Variants in APOC4 observed in about 807,000 individuals in gnomAD.
APOC4 encodes the protein apolipoprotein C-IV.
Under a neutral mutation model 8.4 loss-of-function variants are expected in APOC4, and 10 were observed. The observed-to-expected ratio is 1.19, with a 90% confidence interval of 0.74 to 2.03. APOC4 has a LOEUF of 2.03. APOC4 is among the 30% of genes most tolerant of loss of function. The probability of loss-of-function intolerance (pLI) is 0.00; values close to 1 mark genes in which losing one functional copy is unlikely to be tolerated. For missense variants in APOC4, 160 were observed against 156.1 expected (o/e 1.02, Z -0.13); for synonymous variants, 59 against 65.8 (o/e 0.90, Z 0.50).
At chr19:44,944,087 TG>T (rs1275013355) in intron 1 of APOC4, among the ~76,000 whole-genome samples, 1 of 151,432 alleles carries the variant, frequency 6.6e-6, no homozygotes, top group Non-Finnish European at 1.5e-5. Flanking sequence ...TCAGACAGGG[TG>T]GGGGTCACAG....
At chr19:44,944,714 C>A in intron 1 of APOC4, 35 bp from the exon 2 acceptor site, 1 of 1,591,940 alleles carries the variant, frequency 6.3e-7, no homozygotes. Context: ...TTCTAGGGTC[C>A]CAGCCTACCC....
rs373733705 is a variant in APOC4, at chr19:44,945,144, C to A, written c.223C>A (p.Pro75Thr). The stretch of plus-strand genomic sequence containing the variant: ...GTGATGTCCTCTCTCCTGTAGGAGC[C>A]CGAGCACCTTCCGGGGCTTCATGCA... ...TRDGWQWFWS[P>T]STFRGFMQTY... The change falls in exon 3 of 3, where the codon CCG becomes ACG. Residue 75 changes from proline to threonine, a missense_variant. By Grantham distance (38) the Pro-to-Thr change is conservative (BLOSUM62 -1). Transcript: ENST00000592954. 3 of 1,613,642 alleles carry A rather than the reference C, an allele frequency of 1.9e-6. No homozygotes were observed. Among genetic ancestry groups the A allele is most frequent in the Non-Finnish European group, 2.5e-6 (3 of 1,179,834 alleles).
At chr19:44,943,022 C>T (rs559506016) in intron 1 of APOC4, among the ~76,000 whole-genome samples, 32 of 151,964 alleles carry the variant, frequency 2.1e-4, no homozygotes, top group African/African-American at 7.0e-4. Flanking sequence ...CCCGGGTTCA[C>T]GCCATTCTCC....
Position 44,944,779 on chromosome 19 carries a change from T to G in APOC4, c.107T>G (p.Leu36Arg), listed in dbSNP as rs1132899. ...CAGCCAGAGGCCCAGGAAGGAACCC[T>G]GAGCCCCCCACCAAAGCTAAAGATG... ...ACQPEAQEGT[L>R]SPPPKLKMSR... Residue 36 changes from leucine to arginine, a missense_variant, in exon 2 of 3, where the codon CTG (leucine) becomes CGG (arginine). Physicochemically the swap from Leu to Arg is moderately radical, Grantham distance 102 (BLOSUM62 -2). Coordinates refer to ENST00000592954, the MANE Select transcript of APOC4 (RefSeq NM_001646.3). 6.2e-7 allele frequency: 1 copy of G among 1,610,550 alleles called. No homozygotes were observed. Among genetic ancestry groups the G allele is most frequent in the Non-Finnish European group, 8.5e-7 (1 of 1,178,682 alleles).
rs145958474 is a variant in APOC4, at chr19:44,942,284, C to T, written c.7C>T (p.Leu3Phe). MS[L>F]LRNRLQALPA... ...AGGCACGGAACCCCCAGAAATGTCC[C>T]TCCTCAGAAACAGGCTCCAGGCCCT... Residue 3 changes from leucine to phenylalanine, a missense_variant, in exon 1 of 3, where the codon CTC becomes TTC. Coordinates refer to ENST00000592954, the MANE Select transcript of APOC4 (RefSeq NM_001646.3). 4.0e-4 allele frequency: 638 copies of T among 1,611,878 alleles called. 1 individual carries two copies. Among genetic ancestry groups the T allele is most frequent in the Non-Finnish European group, 5.2e-4 (611 of 1,179,008 alleles).
chr19:44,942,274 A>C lies in APOC4; in HGVS notation c.-4A>C. 1 of 1,606,848 alleles carries C rather than the reference A, an allele frequency of 6.2e-7. No individual in the cohort carries two copies. The highest frequency in any genetic ancestry group is 8.5e-7 in the Non-Finnish European group (1 of 1,176,462). On this transcript the variant is annotated 5_prime_UTR_variant, in exon 1 of 3. Coordinates refer to ENST00000592954, the MANE Select transcript of APOC4 (RefSeq NM_001646.3). ...AGAGGGACAGAGGCACGGAACCCCCAGAAATGTCCCTCCTCAGAAACAGGC... is the reference window on the plus strand; with the variant it reads ...AGAGGGACAGAGGCACGGAACCCCCCGAAATGTCCCTCCTCAGAAACAGGC...
At chr19:44,945,096 T>C in intron 2 of APOC4, 44 bp from the exon 3 acceptor site, 2 of 1,595,530 alleles carry the variant, frequency 1.3e-6, no homozygotes, top group East Asian at 2.2e-5. Context: ...AGAGAACACC[T>C]GGGGAGAGCT....
intron 1 of APOC4, 88 bp from the exon 2 acceptor site, chr19:44,944,661 G>T: frequency 6.8e-7 from 1 of 1,468,362 alleles, no homozygotes; most frequent in East Asian, 2.5e-5. Context: ...CTGGGCCACC[G>T]GGAGCGACAC....
chr19:44,944,561 A>G (rs1039424363), intron 1 of APOC4, among the ~76,000 whole-genome samples, 188 bp from the exon 2 acceptor site: 2 of 151,864 alleles, frequency 1.3e-5, no homozygotes, highest in African/African-American at 2.4e-5. Context: ...GAAAAAAAAA[A>G]AGAGATGGCT....
intron 1 of APOC4, among the ~76,000 whole-genome samples, chr19:44,944,287 A>C (rs551537074): frequency 1.3e-5 from 2 of 152,228 alleles, no homozygotes; most frequent in Admixed American, 6.6e-5. Flanking sequence ...TAATCCCAGC[A>C]TTTTGGGAGC....
At chr19:44,944,623 AGGCAAGAGGACTGGCAGGG>A in intron 1 of APOC4, 107 bp from the exon 2 acceptor site, 1 of 1,152,080 alleles carries the variant, frequency 8.7e-7, no homozygotes, top group African/African-American at 1.6e-5. Flanking sequence ...TAAAGGCAGG[AGGCAAGAGGACTGGCAGGG>A]GGCTGCCCCT....
chr19:44,944,158 A>G (rs1970290259), intron 1 of APOC4, among the ~76,000 whole-genome samples: 1 of 152,192 alleles, frequency 6.6e-6, no homozygotes, highest in Non-Finnish European at 1.5e-5. Context: ...GAAGGGAGGC[A>G]TCAGAGGATG....
chr19:44,943,428 A>G (rs577572838), intron 1 of APOC4, among the ~76,000 whole-genome samples: 1 of 151,262 alleles, frequency 6.6e-6, no homozygotes, highest in Non-Finnish European at 1.5e-5. Context: ...TAGAAATTTA[A>G]ATTTTTAATA....
intron 1 of APOC4, among the ~76,000 whole-genome samples, chr19:44,943,534 C>CT (rs1380958038): frequency 6.6e-6 from 1 of 151,806 alleles, no homozygotes; most frequent in East Asian, 2.0e-4. Flanking sequence ...ATCATCCTGG[C>CT]TAACAGATGG....
chr19:44,943,004 G>T (rs10409808), intron 1 of APOC4, among the ~76,000 whole-genome samples: 4 of 151,618 alleles, frequency 2.6e-5, no homozygotes, highest in African/African-American at 9.7e-5. Context: ...TCACTGCAAC[G>T]TCCGCCTCCC....
Position 44,942,282 on chromosome 19 carries a change from CCCT to C in APOC4, c.10_12del (p.Leu4del), listed in dbSNP as rs774503337. 6.2e-7 allele frequency: 1 copy of C among 1,611,400 alleles called. No homozygotes were observed. Among genetic ancestry groups the C allele is most frequent in the South Asian group, 1.1e-5 (1 of 90,408 alleles). ...AGAGGCACGGAACCCCCAGAAATGT[CCCT>C]CCTCAGAAACAGGCTCCAGGCCCTG... On this transcript the variant is annotated inframe_deletion, in exon 1 of 3. Coordinates refer to ENST00000592954, the MANE Select transcript of APOC4 (RefSeq NM_001646.3).
rs1970268130 is a variant in APOC4, at chr19:44,942,364, G to A, written c.76+11G>A. ...TGGCCTGCATTGGGGGTGAGAAGAAGTGGGTGGAGGGATGTGGGGCCCACA... is the reference window on the plus strand; with the variant it reads ...TGGCCTGCATTGGGGGTGAGAAGAAATGGGTGGAGGGATGTGGGGCCCACA... On this transcript the variant is annotated intron_variant, in intron 1 of 2. Transcript: ENST00000592954. The A allele has an allele frequency of 2.5e-6, 4 of 1,612,962 alleles. No individual in the cohort carries two copies. The highest frequency in any genetic ancestry group is 3.4e-6 in the Non-Finnish European group (4 of 1,179,428).
At position 44,942,297 on chromosome 19, in the gene APOC4, G is replaced by C. The variant is rs1392243244; in HGVS notation, c.20G>C (p.Arg7Thr). 3.7e-6 allele frequency: 6 copies of C among 1,612,884 alleles called. No individual in the cohort carries two copies. In the African/African-American group the frequency reaches 6.7e-5, roughly 18 times the overall value. MSLLRN[R>T]LQALPALCLC... ...CCAGAAATGTCCCTCCTCAGAAACAGGCTCCAGGCCCTGCCTGCCCTGTGC... is the reference window on the plus strand; with the variant it reads ...CCAGAAATGTCCCTCCTCAGAAACACGCTCCAGGCCCTGCCTGCCCTGTGC... Residue 7 changes from arginine (R) to threonine (T), a missense_variant, in exon 1 of 3, where the codon AGG (arginine) becomes ACG (threonine). Transcript: ENST00000592954.
intron 1 of APOC4, among the ~76,000 whole-genome samples, chr19:44,943,938 C>G (rs1970287706): frequency 6.6e-6 from 1 of 152,188 alleles, no homozygotes; most frequent in Non-Finnish European, 1.5e-5. Flanking sequence ...CGGCTGGTCT[C>G]TGTAGGCGAG....
Sources: gnomAD v4.1 joint callset for allele counts (sites outside exome capture counted in the v4.1 genomes callset) on GRCh38, gnomAD v4.1.1 for gene constraint, MANE v1.5 for transcripts, NCBI Gene and HGNC (gene_info 2026-07-23, HGNC 2026-07-21) for gene names.